Variants in TSPAN9 observed in about 807,000 individuals in gnomAD.
TSPAN9 encodes the protein tetraspanin-9.
A neutral mutation model predicts 31.0 loss-of-function variants in TSPAN9; 16 were observed. The observed-to-expected ratio is 0.52, with a 90% CI of 0.35 to 0.78. TSPAN9 has a LOEUF of 0.78. Ranked by LOEUF, TSPAN9 falls within the 30% of genes least tolerant of loss-of-function variation. The pLI is 0.01. For synonymous variants in TSPAN9, 145 were observed against 121.6 expected (o/e 1.19, Z -1.27); for missense variants, 272 against 312.5 (o/e 0.87, Z 0.98).
At chr12:3,257,718 G>A (rs1862374751) in intron 3 of TSPAN9, among the ~76,000 whole-genome samples, 1 of 141,096 alleles carries the variant, frequency 7.1e-6, no homozygotes, top group South Asian at 2.5e-4. Flanking sequence ...TCTACCTACT[G>A]TGATGGTTTC....
intron 2 of TSPAN9, among the ~76,000 whole-genome samples, chr12:3,130,239 C>T (rs1218772041): frequency 6.6e-6 from 1 of 152,248 alleles, no homozygotes; most frequent in Non-Finnish European, 1.5e-5. Context: ...GGGCATTTGG[C>T]AGCCGCTTGA....
intron 2 of TSPAN9, among the ~76,000 whole-genome samples, chr12:3,128,804 A>G (rs2098328461): frequency 6.6e-6 from 1 of 152,200 alleles, no homozygotes; most frequent in Non-Finnish European, 1.5e-5. Flanking sequence ...GACCATTTCA[A>G]CCATTTTTAA....
At chr12:3,211,653 C>T in intron 3 of TSPAN9, 1 of 1,381,072 alleles carries the variant, frequency 7.2e-7, no homozygotes, top group Non-Finnish European at 1.0e-6. Flanking sequence ...CATCTTGACT[C>T]AGAGTGCTTT....
chr12:3,217,527 G>C (rs2098381984), intron 3 of TSPAN9, among the ~76,000 whole-genome samples: 1 of 152,198 alleles, frequency 6.6e-6, no homozygotes. Flanking sequence ...AGGCAGCGGT[G>C]AGGGCCCTGT....
At chr12:3,128,209 G>A (rs1369051801) in intron 2 of TSPAN9, among the ~76,000 whole-genome samples, 1 of 152,134 alleles carries the variant, frequency 6.6e-6, no homozygotes, top group Non-Finnish European at 1.5e-5. Flanking sequence ...CAAGTTGTTT[G>A]GGGTGGCAGA....
intron 2 of TSPAN9, among the ~76,000 whole-genome samples, chr12:3,138,394 G>A (rs2098333046): frequency 6.6e-6 from 1 of 152,014 alleles, no homozygotes; most frequent in Non-Finnish European, 1.5e-5. Context: ...GTGAATTGGT[G>A]GGATGGGAAG....
intron 2 of TSPAN9, among the ~76,000 whole-genome samples, chr12:3,105,200 G>A (rs529420939): frequency 2.6e-5 from 4 of 152,234 alleles, no homozygotes; most frequent in South Asian, 2.1e-4. Context: ...TTCTGCCGCC[G>A]ACTTGGGCTC....
At chr12:3,182,532 CCATT>C (rs892628793) in intron 2 of TSPAN9, among the ~76,000 whole-genome samples, 39 of 151,946 alleles carry the variant, frequency 2.6e-4, no homozygotes, top group African/African-American at 8.9e-4. Flanking sequence ...ATTCGTCTGC[CCATT>C]CATTCATTCA....
intron 3 of TSPAN9, among the ~76,000 whole-genome samples, chr12:3,234,417 CCCCCT>C (rs1193690339): frequency 2.0e-5 from 3 of 152,140 alleles, no homozygotes; most frequent in Non-Finnish European, 4.4e-5. Context: ...TCTTTCATGA[CCCCCT>C]CCCTCTGCTC....
chr12:3,092,915 C>T (rs1285004007), intron 2 of TSPAN9, among the ~76,000 whole-genome samples: 5 of 152,208 alleles, frequency 3.3e-5, no homozygotes, highest in African/African-American at 4.8e-5. Context: ...GCAGGCCTCC[C>T]TGCCACCACG....
intron 3 of TSPAN9, among the ~76,000 whole-genome samples, chr12:3,230,843 C>T (rs1037496735): frequency 2.3e-4 from 35 of 152,154 alleles, no homozygotes; most frequent in African/African-American, 5.1e-4. Context: ...CACCTGTCCT[C>T]GGCCCCCCTG....
chr12:3,122,451 TA>T (rs2098325581), intron 2 of TSPAN9, among the ~76,000 whole-genome samples: 1 of 151,992 alleles, frequency 6.6e-6, no homozygotes. Flanking sequence ...CTTGGCAAAT[TA>T]AAATTTTTTT....
At chr12:3,136,522 A>G (rs1322606263) in intron 2 of TSPAN9, among the ~76,000 whole-genome samples, 1 of 152,204 alleles carries the variant, frequency 6.6e-6, no homozygotes, top group African/African-American at 2.4e-5. Context: ...CCAGCATTGC[A>G]AAGACAGGAC....
At chr12:3,083,239 T>G (rs992255214) in intron 1 of TSPAN9, among the ~76,000 whole-genome samples, 17 of 152,194 alleles carry the variant, frequency 1.1e-4, no homozygotes, top group African/African-American at 4.1e-4. Context: ...TGCAAACACA[T>G]CTCAGTGAGT....
intron 2 of TSPAN9, among the ~76,000 whole-genome samples, chr12:3,167,282 T>C (rs1490315072): frequency 2.6e-5 from 4 of 152,238 alleles, no homozygotes; most frequent in Non-Finnish European, 5.9e-5. Flanking sequence ...CCAGTGAAGA[T>C]GAGCAGTAGG....
rs140460676 is a variant in TSPAN9, at chr12:3,218,222, T to A, written c.63+16966T>A. The stretch of plus-strand genomic sequence containing the variant: ...CTTCAGCAGAATGAGGTGTTCTGTG[T>A]CTCCCACCAACCCCAACTTCCTCGG... On this transcript the variant is annotated intron_variant, in intron 3 of 8. Transcript: ENST00000011898. Among the ~76,000 whole-genome samples, 441 of 152,216 alleles carry A rather than the reference T, an allele frequency of 2.9e-3. 2 individuals are homozygous for A. The highest frequency in any genetic ancestry group is 0.01 in the Middle Eastern group (3 of 294).
intron 3 of TSPAN9, among the ~76,000 whole-genome samples, chr12:3,230,559 G>A (rs1258410473): frequency 6.6e-6 from 1 of 152,142 alleles, no homozygotes; most frequent in East Asian, 1.9e-4. Flanking sequence ...TTCTGCAAGC[G>A]TAGGTGCCCA....
At chr12:3,222,043 A>G (rs988783167) in intron 3 of TSPAN9, among the ~76,000 whole-genome samples, 7 of 152,250 alleles carry the variant, frequency 4.6e-5, no homozygotes, top group African/African-American at 1.7e-4. Flanking sequence ...TGTATTGGAA[A>G]GAAAGCGGCC....
At chr12:3,253,536 T>C (rs960159056) in intron 3 of TSPAN9, among the ~76,000 whole-genome samples, 12 of 152,222 alleles carry the variant, frequency 7.9e-5, no homozygotes, top group Non-Finnish European at 1.6e-4. Flanking sequence ...CAGGAAGTGT[T>C]CGCTGAGCTC....
Sources: allele counts gnomAD v4.1 joint callset (sites outside exome capture counted in the v4.1 genomes callset), GRCh38; gene constraint gnomAD v4.1.1; transcripts MANE v1.5; gene names NCBI Gene and HGNC (gene_info 2026-07-23, HGNC 2026-07-21).